Variants in EYS observed in about 807,000 individuals in gnomAD.
EYS encodes EGF-like photoreceptor maintenance factor, also known as protein eyes shut homolog.
EYS carries 250 observed loss-of-function variants against 282.1 expected under a neutral mutation model. The ratio of observed to expected loss-of-function variants is 0.89; its 90% confidence interval spans 0.80 to 0.98. The LOEUF (loss-of-function observed/expected upper bound fraction) is 0.98. Ranked by LOEUF, EYS falls within the 50% of genes least tolerant of loss-of-function variation. The probability of loss-of-function intolerance (pLI) is 0.00; values close to 1 mark genes in which losing one functional copy is unlikely to be tolerated. For synonymous variants in EYS, 1,355 were observed against 1,282.9 expected, an observed-to-expected ratio of 1.06 and a Z score of -1.20; for missense variants, 4,016 against 3,709.0, an observed-to-expected ratio of 1.08 and a Z score of -2.15.
intron 2 of EYS, among the ~76,000 whole-genome samples, chr6:65,503,448 A>C (rs1766535183): frequency 6.6e-6 from 1 of 151,650 alleles, no homozygotes; most frequent in African/African-American, 2.4e-5. Flanking sequence ...AGCAGATTTT[A>C]CTTTTAAAAA....
intron 12 of EYS, among the ~76,000 whole-genome samples, chr6:65,178,516 C>T (rs1373510308): frequency 1.3e-5 from 2 of 151,884 alleles, no homozygotes; most frequent in Non-Finnish European, 2.9e-5. Flanking sequence ...GCTAACTATC[C>T]TAAATATATA....
At chr6:63,781,688 T>A (rs184260841) in intron 39 of EYS, among the ~76,000 whole-genome samples, 4 of 152,338 alleles carry the variant, frequency 2.6e-5, no homozygotes, top group African/African-American at 9.6e-5. Flanking sequence ...AATCATGTCA[T>A]CTGCAAACAG....
intron 19 of EYS, among the ~76,000 whole-genome samples, chr6:64,852,194 T>C (rs1765907765): frequency 6.6e-6 from 1 of 152,096 alleles, no homozygotes; most frequent in Non-Finnish European, 1.5e-5. Context: ...ATGCAAAGTA[T>C]TGATTCTGGG....
At chr6:63,825,489 C>T (rs1771435435) in intron 36 of EYS, among the ~76,000 whole-genome samples, 1 of 152,208 alleles carries the variant, frequency 6.6e-6, no homozygotes, top group Non-Finnish European at 1.5e-5. Flanking sequence ...TCACAGAGTC[C>T]ATCGTGCCCT....
chr6:65,531,770 T>C (rs1202452382), intron 2 of EYS, among the ~76,000 whole-genome samples: 4 of 152,196 alleles, frequency 2.6e-5, no homozygotes, highest in African/African-American at 9.6e-5. Flanking sequence ...GATTGAAAGA[T>C]AGAAAACAGC....
intron 31 of EYS, 107 bp downstream of exon 31, chr6:64,230,485 T>G (rs894214303): frequency 1.5e-5 from 9 of 595,442 alleles, no homozygotes; most frequent in African/African-American, 1.3e-4. Context: ...AGCTGTTTCT[T>G]GTTTGTGCTA....
rs9451938 is a variant in EYS, at chr6:64,537,850, G to A, written c.5644+52373C>T. Among the ~76,000 whole-genome samples the A allele has an allele frequency of 6.8e-3, 1,028 of 152,232 alleles. 16 individuals carry two copies. Among genetic ancestry groups the A allele is most frequent in the African/African-American group, 0.024 (986 of 41,546 alleles). ...TCTGGGGTAATATTTTTAAAAGAAT[G>A]TTTAGAAATCAAATAGGAGTTTAGC... is the stretch of plus-strand genomic sequence containing the variant. On this transcript the variant is annotated intron_variant, in intron 26 of 42. Coordinates refer to ENST00000503581, the MANE Select transcript of EYS (RefSeq NM_001142800.2).
At chr6:64,828,331 G>A (rs1238106560) in intron 19 of EYS, among the ~76,000 whole-genome samples, 1 of 151,882 alleles carries the variant, frequency 6.6e-6, no homozygotes, top group African/African-American at 2.4e-5. Context: ...TAATATGATA[G>A]GAGAAATATG....
chr6:64,207,027 A>G (rs372211265), intron 31 of EYS, among the ~76,000 whole-genome samples: 1 of 151,980 alleles, frequency 6.6e-6, no homozygotes, highest in Non-Finnish European at 1.5e-5. Flanking sequence ...CTATGTGTCC[A>G]TGTGTCCTCA....
chr6:65,442,797 GACAC>G (rs1020372489), intron 5 of EYS, among the ~76,000 whole-genome samples: 4 of 103,484 alleles, frequency 3.9e-5, no homozygotes, highest in African/African-American at 1.1e-4. Flanking sequence ...AAAATATATA[GACAC>G]ACACACATGC....
intron 31 of EYS, among the ~76,000 whole-genome samples, chr6:64,090,376 A>C (rs1772313760): frequency 1.3e-5 from 2 of 152,200 alleles, no homozygotes; most frequent in Non-Finnish European, 2.9e-5. Flanking sequence ...TTGGAAAAAT[A>C]TAGGTAACCT....
At chr6:64,554,444 T>C (rs1765180594) in intron 26 of EYS, among the ~76,000 whole-genome samples, 1 of 152,026 alleles carries the variant, frequency 6.6e-6, no homozygotes, top group Non-Finnish European at 1.5e-5. Context: ...CTAAAAATGC[T>C]GAATAACAAT....
intron 31 of EYS, among the ~76,000 whole-genome samples, chr6:64,136,758 T>C (rs943771622): frequency 2.6e-5 from 4 of 152,154 alleles, no homozygotes; most frequent in African/African-American, 9.6e-5. Context: ...TAAACAGATG[T>C]GCCATAATCT....
intron 13 of EYS, among the ~76,000 whole-genome samples, chr6:65,036,001 C>G (rs576440859): frequency 3.4e-5 from 5 of 146,316 alleles, no homozygotes; most frequent in African/African-American, 1.0e-4. Flanking sequence ...TATATGGAAC[C>G]AAAAAGAGCC....
At chr6:63,866,542 A>G (rs1198684569) in intron 35 of EYS, among the ~76,000 whole-genome samples, 2 of 152,176 alleles carry the variant, frequency 1.3e-5, no homozygotes, top group Admixed American at 6.5e-5. Context: ...TTATGGTGAA[A>G]ACCAAGGAAA....
intron 16 of EYS, among the ~76,000 whole-genome samples, chr6:64,904,935 A>T (rs1358620403): frequency 6.6e-6 from 1 of 152,208 alleles, no homozygotes; most frequent in Non-Finnish European, 1.5e-5. Context: ...ACATTGGGAG[A>T]AAACATAACA....
chr6:65,488,691 A>G (rs917544807), intron 5 of EYS, among the ~76,000 whole-genome samples: 5 of 152,198 alleles, frequency 3.3e-5, no homozygotes, highest in Admixed American at 2.6e-4. Flanking sequence ...CAAGAAGAAC[A>G]AAGCTGGAGG....
intron 13 of EYS, among the ~76,000 whole-genome samples, chr6:65,020,536 T>A (rs944880654): frequency 8.5e-5 from 13 of 152,198 alleles, no homozygotes; most frequent in Non-Finnish European, 1.9e-4. Flanking sequence ...CGATCCTAGC[T>A]GCTTTCACAG....
At position 64,902,105 on chromosome 6, in the gene EYS, C is replaced by T. The variant is rs1437138095; in HGVS notation, c.2846+8G>A. ...AAATAATTAATTTAATAAAAAGTAG[C>T]TTCTCACCTGTTTGTCAGATCCACA... On this transcript the variant is annotated splice_region_variant and intron_variant, in intron 18 of 42. Transcript: ENST00000503581. 1 of 1,518,812 alleles carries T rather than the reference C, an allele frequency of 6.6e-7. No homozygotes were observed. The highest frequency in any genetic ancestry group is 1.2e-5 in the South Asian group (1 of 80,634). 94.1% of individuals were successfully genotyped at this position (1,518,812 alleles called of 1,614,324 possible). A position where few individuals can be genotyped will look rare whatever the true frequency, so the allele number is the denominator to read the frequency against.
Sources: allele counts gnomAD v4.1 joint callset (sites outside exome capture counted in the v4.1 genomes callset), GRCh38; gene constraint gnomAD v4.1.1; transcripts MANE v1.5; gene names NCBI Gene and HGNC (gene_info 2026-07-23, HGNC 2026-07-21).